Variants in USP48 observed in about 807,000 individuals in gnomAD.
USP48 encodes the protein ubiquitin specific peptidase 48, also known as ubiquitin carboxyl-terminal hydrolase 48.
USP48 carries 43 observed loss-of-function variants against 150.7 expected under a neutral mutation model. The ratio of observed to expected loss-of-function variants is 0.29; its 90% confidence interval spans 0.22 to 0.37. USP48 has a LOEUF of 0.37. USP48 is among the 10% of genes least tolerant of loss of function. The pLI is 1.00. For synonymous variants in USP48, 396 were observed against 425.9 expected (o/e 0.93, Z 0.86); for missense variants, 813 against 1,249.6 (o/e 0.65, Z 5.27).
At chr1:21,702,628 T>A (rs1203873046) in intron 21 of USP48, among the ~76,000 whole-genome samples, 1 of 147,808 alleles carries the variant, frequency 6.8e-6, no homozygotes, top group Non-Finnish European at 1.5e-5. Flanking sequence ...CTCCAGGGGC[T>A]TATATCTACA....
chr1:21,692,238 T>C (rs954887533), intron 23 of USP48, among the ~76,000 whole-genome samples: 3 of 152,108 alleles, frequency 2.0e-5, no homozygotes, highest in African/African-American at 7.2e-5. Context: ...AAAAGTGCAC[T>C]GGCATCATCA....
chr1:21,707,688 T>A (rs1279374730), intron 15 of USP48, among the ~76,000 whole-genome samples: 2 of 152,206 alleles, frequency 1.3e-5, no homozygotes, highest in Non-Finnish European at 2.9e-5. Context: ...AAAACTATCT[T>A]TAAATTTCTA....
chr1:21,727,015 G>A (rs1198832470), intron 11 of USP48, among the ~76,000 whole-genome samples: 1 of 151,206 alleles, frequency 6.6e-6, no homozygotes, highest in Non-Finnish European at 1.5e-5. Flanking sequence ...AAGTTATAAA[G>A]TCTAGAACAA....
At position 21,774,951 on chromosome 1, in the gene USP48, A is replaced by G. The variant is rs567901188; in HGVS notation, c.134+7873T>C. On this transcript the variant is annotated intron_variant, in intron 1 of 26. Transcript: ENST00000308271. ...AGGTTGCAGTGAGCCAAATTCACGC[A>G]CTGCACTCCAGCCTGGGCAACAAAG... is the stretch of plus-strand genomic sequence containing the variant. Among the ~76,000 whole-genome samples the G allele has an allele frequency of 4.4e-4, 67 of 151,672 alleles. 1 individual carries two copies. Among genetic ancestry groups the G allele is most frequent in the African/African-American group, 1.5e-3 (63 of 41,396 alleles).
In USP48 at chr1:21,783,070, T is replaced by C; in HGVS notation, c.-113A>G. 7.3e-7 allele frequency: 1 copy of C among 1,368,752 alleles called. No homozygotes were observed. The highest frequency in any genetic ancestry group is 9.4e-7 in the Non-Finnish European group (1 of 1,061,828). The allele number at this position is 1,368,752 out of a possible 1,614,324, so 84.8% of individuals were successfully genotyped here. ...GCCAGCAAGGAGGACCTGGCGCTCC[T>C]TCAGGCAGCTGGCCAGTCAATCACC... On this transcript the variant is annotated 5_prime_UTR_variant, in exon 1 of 27. Coordinates refer to ENST00000308271, the MANE Select transcript of USP48 (RefSeq NM_032236.8).
chr1:21,733,154 G>A (rs1342044875), intron 9 of USP48, among the ~76,000 whole-genome samples: 1 of 152,040 alleles, frequency 6.6e-6, no homozygotes, highest in Non-Finnish European at 1.5e-5. Flanking sequence ...GGTGGCTCAC[G>A]CCTGTAATCC....
At chr1:21,737,751 A>C (rs1478595698) in intron 8 of USP48, among the ~76,000 whole-genome samples, 1 of 152,260 alleles carries the variant, frequency 6.6e-6, no homozygotes, top group East Asian at 1.9e-4. Flanking sequence ...TCTTCTAAAA[A>C]TTACTTATAA....
At position 21,779,160 on chromosome 1, in the gene USP48, C is replaced by A. The variant is rs151161114; in HGVS notation, c.134+3664G>T. On this transcript the variant is annotated intron_variant, in intron 1 of 26. Coordinates refer to ENST00000308271, the MANE Select transcript of USP48 (RefSeq NM_032236.8). ...GGCTGAGGCGGGAGGATTGCTTGAG[C>A]CCAGGAGTTCAAGGCTGCAGTGAGC... is the stretch of plus-strand genomic sequence containing the variant. Among the ~76,000 whole-genome samples the A allele has an allele frequency of 4.6e-3, 702 of 152,096 alleles. 5 individuals carry two copies. Among genetic ancestry groups the A allele is most frequent in the African/African-American group, 0.016 (654 of 41,486 alleles).
intron 22 of USP48, among the ~76,000 whole-genome samples, chr1:21,699,834 T>C (rs1459157540): frequency 7.5e-6 from 1 of 132,502 alleles, no homozygotes; most frequent in African/African-American, 2.9e-5. Context: ...ACACACACAC[T>C]TTTAATATAT....
At chr1:21,775,315 G>A (rs576885723) in intron 1 of USP48, among the ~76,000 whole-genome samples, 17 of 152,108 alleles carry the variant, frequency 1.1e-4, no homozygotes, top group Non-Finnish European at 1.9e-4. Context: ...AGGTTGGCGT[G>A]CAGTGGCTCA....
At chr1:21,704,750 G>C (rs1322381092) in intron 19 of USP48, 1 of 173,116 alleles carries the variant, frequency 5.8e-6, no homozygotes, top group African/African-American at 2.4e-5. Context: ...AATACTTTCT[G>C]AGACAGATAA....
chr1:21,725,357 G>A (rs1427889257), intron 11 of USP48, among the ~76,000 whole-genome samples: 1 of 152,170 alleles, frequency 6.6e-6, no homozygotes, highest in Non-Finnish European at 1.5e-5. Context: ...TGGGAATGTT[G>A]TTGAGTATAA....
At chr1:21,752,479 A>T (rs746750578) in intron 5 of USP48, 48 bp downstream of exon 5, 1 of 1,594,278 alleles carries the variant, frequency 6.3e-7, no homozygotes, top group South Asian at 1.2e-5. Context: ...ACATATGAGC[A>T]ACTGTCTTAG....
At chr1:21,748,320 A>G (rs745750948) in intron 6 of USP48, 49 bp from the exon 7 acceptor site, 5 of 1,525,948 alleles carry the variant, frequency 3.3e-6, no homozygotes, top group Middle Eastern at 2.3e-4. Context: ...TGGGTTTAAA[A>G]CAAGTGATAA....
Position 21,783,094 on chromosome 1 carries a change from C to G in USP48, c.-137G>C. On this transcript the variant is annotated 5_prime_UTR_variant, in exon 1 of 27. Coordinates refer to ENST00000308271, the MANE Select transcript of USP48 (RefSeq NM_032236.8). Reference sequence around the variant, plus strand: ...CTTCAGGCAGCTGGCCAGTCAATCACCTGTGCGCGCCACTGCCGCCGCGCC... The same window carrying G: ...CTTCAGGCAGCTGGCCAGTCAATCAGCTGTGCGCGCCACTGCCGCCGCGCC... 1 of 1,255,286 alleles carries G rather than the reference C, an allele frequency of 8.0e-7. No homozygotes were observed. Among genetic ancestry groups the G allele is most frequent in the Non-Finnish European group, 1.0e-6 (1 of 976,284 alleles). The allele number at this position is 1,255,286 out of a possible 1,614,324, so 77.8% of individuals were successfully genotyped here.
intron 23 of USP48, among the ~76,000 whole-genome samples, chr1:21,693,252 C>G (rs2097608759): frequency 6.6e-6 from 1 of 152,182 alleles, no homozygotes; most frequent in Non-Finnish European, 1.5e-5. Context: ...CTTCATTAAC[C>G]TCATGGGATC....
At chr1:21,744,630 A>T (rs113391005) in intron 8 of USP48, among the ~76,000 whole-genome samples, 33 of 150,062 alleles carry the variant, frequency 2.2e-4, no homozygotes, top group Admixed American at 6.7e-5. Context: ...ACAAAAAATT[A>T]GCCAGGCATG....
chr1:21,765,483 G>A (rs560803958), intron 1 of USP48, among the ~76,000 whole-genome samples: 1 of 152,156 alleles, frequency 6.6e-6, no homozygotes, highest in South Asian at 2.1e-4. Flanking sequence ...CAGGCATGGT[G>A]GCACGCGCCT....
intron 8 of USP48, among the ~76,000 whole-genome samples, chr1:21,736,842 C>T (rs188631760): frequency 2.0e-4 from 31 of 152,276 alleles, no homozygotes; most frequent in African/African-American, 6.7e-4. Flanking sequence ...ATTAATTCTC[C>T]AAGCCTCTGC....
Sources: allele counts gnomAD v4.1 joint callset (sites outside exome capture counted in the v4.1 genomes callset), GRCh38; gene constraint gnomAD v4.1.1; transcripts MANE v1.5; gene names NCBI Gene and HGNC (gene_info 2026-07-23, HGNC 2026-07-21).